The following KCNIP4 variants were observed in gnomAD, a reference collection of about 807,000 sequenced individuals.
KCNIP4 encodes potassium voltage-gated channel interacting protein 4.
Under a neutral mutation model 34.0 loss-of-function variants are expected in KCNIP4, and 12 were observed. The observed-to-expected ratio is 0.35, with a 90% CI of 0.23 to 0.57. The LOEUF is 0.57. KCNIP4 is among the 20% of genes least tolerant of loss of function. KCNIP4 has a pLI of 0.83. For synonymous variants in KCNIP4, 124 were observed against 102.2 expected, an observed-to-expected ratio of 1.21 and a Z score of -1.29; for missense variants, 238 against 311.7, an observed-to-expected ratio of 0.76 and a Z score of 1.78.
chr4:21,052,133 A>T lies in KCNIP4; in HGVS notation c.62-169424T>A, dbSNP rs73802441. ...TGTTCCTATCCTAGTATACCAAATT[A>T]TCATCATATTCCCTCCCATCCATGA... On this transcript the variant is annotated intron_variant, in intron 1 of 8. Transcript: ENST00000382152. 8.7e-3 allele frequency among the ~76,000 whole-genome samples: 1,320 copies of T among 152,276 alleles called. 12 individuals carry two copies. Among genetic ancestry groups the T allele is most frequent in the African/African-American group, 0.028 (1,173 of 41,556 alleles).
At chr4:21,250,485 A>C (rs563317523) in intron 1 of KCNIP4, among the ~76,000 whole-genome samples, 1 of 152,152 alleles carries the variant, frequency 6.6e-6, no homozygotes, top group Admixed American at 6.6e-5. Context: ...GAATCCTACT[A>C]TTTGGCTGAA....
chr4:21,767,497 G>T (rs16871882), intron 1 of KCNIP4, among the ~76,000 whole-genome samples: 22,528 of 151,858 alleles, frequency 0.15, 5,613 homozygotes, highest in African/African-American at 0.51. Flanking sequence ...GAATGGTAAC[G>T]GCAGCTGGCT....
At chr4:21,836,320 A>C (rs1723314943) in intron 1 of KCNIP4, among the ~76,000 whole-genome samples, 1 of 152,188 alleles carries the variant, frequency 6.6e-6, no homozygotes, top group Non-Finnish European at 1.5e-5. Context: ...ATTATTGTAC[A>C]TCAACAGCTT....
intron 1 of KCNIP4, among the ~76,000 whole-genome samples, chr4:21,603,622 T>G (rs985949674): frequency 1.3e-5 from 2 of 152,052 alleles, no homozygotes; most frequent in Non-Finnish European, 2.9e-5. Flanking sequence ...GTCCAACTTC[T>G]GTTATTTGGA....
At chr4:21,871,712 C>T (rs957619076) in intron 1 of KCNIP4, among the ~76,000 whole-genome samples, 1 of 151,966 alleles carries the variant, frequency 6.6e-6, no homozygotes, top group East Asian at 2.0e-4. Flanking sequence ...AATTTGATCA[C>T]CCAGGTTTAT....
chr4:21,365,514 TAAATAAATAAAAAATAAAGAAAG>T lies in KCNIP4; in HGVS notation c.62-482828_62-482806del, dbSNP rs1248453064. ...ATAAATAAATAAATAAATAAATAAA[TAAATAAATAAAAAATAAAGAAAG>T]AAAAGAAAAAGAAAAAAAAATACTT... On this transcript the variant is annotated intron_variant, in intron 1 of 8. Coordinates refer to ENST00000382152, the MANE Select transcript of KCNIP4 (RefSeq NM_025221.6). 9.5e-3 allele frequency among the ~76,000 whole-genome samples: 874 copies of T among 91,914 alleles called. 7 individuals carry two copies. The highest frequency in any genetic ancestry group is 0.032 in the African/African-American group (719 of 22,630). The allele number at this position is 91,914 out of a possible 152,430, so 60.3% of individuals were successfully genotyped here. A position where few individuals can be genotyped will look rare whatever the true frequency, so the allele number is the denominator to read the frequency against.
chr4:21,553,929 G>A (rs1004909324), intron 1 of KCNIP4, among the ~76,000 whole-genome samples: 1 of 151,980 alleles, frequency 6.6e-6, no homozygotes, highest in African/African-American at 2.4e-5. Context: ...CACCTTCACA[G>A]GTTTTCTCAG....
At chr4:21,760,621 C>G (rs913501437) in intron 1 of KCNIP4, among the ~76,000 whole-genome samples, 6 of 152,004 alleles carry the variant, frequency 3.9e-5, no homozygotes, top group African/African-American at 1.5e-4. Context: ...AATCTGAATA[C>G]ACAAGTAGCT....
intron 1 of KCNIP4, among the ~76,000 whole-genome samples, chr4:20,912,929 G>A (rs1308128411): frequency 3.3e-5 from 5 of 152,186 alleles, no homozygotes; most frequent in African/African-American, 1.2e-4. Context: ...TACTGCTGGT[G>A]AGAATGGAAA....
In KCNIP4 at chr4:21,370,586, G is replaced by A. The variant is rs1720242609; in HGVS notation, c.62-487877C>T. 3.5e-5 allele frequency among the ~76,000 whole-genome samples: 5 copies of A among 143,402 alleles called. 1 individual carries two copies. The South Asian group carries it at 1.1e-3, about 31-fold the overall frequency. The allele number at this position is 143,402 out of a possible 152,430, so 94.1% of individuals were successfully genotyped here. A position where few individuals can be genotyped will look rare whatever the true frequency, so the allele number is the denominator to read the frequency against. The stretch of plus-strand genomic sequence containing the variant: ...AGCAGAGAAGACATCAAAGTAGGTT[G>A]AAAGTAGGGAGATTTTCTGGTTTTA... On this transcript the variant is annotated intron_variant, in intron 1 of 8. Transcript: ENST00000382152.
intron 1 of KCNIP4, among the ~76,000 whole-genome samples, chr4:21,893,565 C>G (rs1477717593): frequency 6.6e-6 from 1 of 152,100 alleles, no homozygotes; most frequent in Non-Finnish European, 1.5e-5. Context: ...CCCTAATTTT[C>G]TCCTTAGACA....
Position 21,556,920 on chromosome 4 carries a change from CAGAAA to C in KCNIP4, c.61+391646_61+391650del, listed in dbSNP as rs1223113451. Among the ~76,000 whole-genome samples the C allele has an allele frequency of 3.8e-3, 137 of 35,630 alleles. 4 individuals carry two copies. The highest frequency in any genetic ancestry group is 0.017 in the Middle Eastern group (1 of 58). 23.4% of individuals were successfully genotyped at this position (35,630 alleles called of 152,430 possible). On this transcript the variant is annotated intron_variant, in intron 1 of 8. Transcript: ENST00000382152. ...TGATCAACAAAGCAAGACTCCATCT[CAGAAA>C]AAAAAAAAAAAAAAAAAACCAGAAA...
chr4:21,165,927 A>G (rs1387630877), intron 1 of KCNIP4, among the ~76,000 whole-genome samples: 1 of 152,134 alleles, frequency 6.6e-6, no homozygotes, highest in East Asian at 1.9e-4. Context: ...TGAGAGCGTG[A>G]GTTTACCTCT....
At chr4:21,194,605 A>C (rs1755919438) in intron 1 of KCNIP4, among the ~76,000 whole-genome samples, 1 of 152,332 alleles carries the variant, frequency 6.6e-6, no homozygotes, top group East Asian at 1.9e-4. Context: ...TTCCTGAGAC[A>C]GGGTAATCGG....
At chr4:21,871,840 T>G (rs967973141) in intron 1 of KCNIP4, among the ~76,000 whole-genome samples, 110 of 129,648 alleles carry the variant, frequency 8.5e-4, no homozygotes, top group African/African-American at 3.0e-3. Flanking sequence ...ACTGATCCCC[T>G]CTCCTCCACT....
At chr4:20,953,638 C>T (rs1268892486) in intron 1 of KCNIP4, among the ~76,000 whole-genome samples, 2 of 152,116 alleles carry the variant, frequency 1.3e-5, no homozygotes, top group African/African-American at 4.8e-5. Context: ...GCTGAGATCG[C>T]ACTCCATCTT....
rs139678672 is a variant in KCNIP4 at position 21,599,642 on chromosome 4, A to G, written c.61+348929T>C. On this transcript the variant is annotated intron_variant, in intron 1 of 8. Transcript: ENST00000382152. ...GACAGTGCTGTCCTTTGTTGCTTCT[A>G]CTACAAAGTGAATTATAGGGTTTGG... Among the ~76,000 whole-genome samples, 38 of 152,254 alleles carry G rather than the reference A, an allele frequency of 2.5e-4. No individual in the cohort carries two copies. In the Middle Eastern group the frequency reaches 0.01, roughly 41 times the overall value.
At chr4:21,197,273 T>C (rs1756124859) in intron 1 of KCNIP4, among the ~76,000 whole-genome samples, 2 of 152,210 alleles carry the variant, frequency 1.3e-5, no homozygotes, top group Admixed American at 1.3e-4. Flanking sequence ...GGTATATAAC[T>C]AGGAGTGGAA....
chr4:21,055,823 C>G (rs76619348), intron 1 of KCNIP4, among the ~76,000 whole-genome samples: 4,391 of 152,168 alleles, frequency 0.029, 172 homozygotes, highest in African/African-American at 0.099. Context: ...GGATTATTAA[C>G]GAAGTAAAAA....
Sources: allele counts gnomAD v4.1 joint callset (sites outside exome capture counted in the v4.1 genomes callset), GRCh38; gene constraint gnomAD v4.1.1; transcripts MANE v1.5; gene names NCBI Gene and HGNC (gene_info 2026-07-23, HGNC 2026-07-21).